Variants in FLT1 observed in about 807,000 individuals in gnomAD.
FLT1 encodes the protein vascular endothelial growth factor receptor 1.
FLT1 carries 49 observed loss-of-function variants against 156.3 expected under a neutral mutation model. That is an observed-to-expected ratio of 0.31 (90% CI 0.25 to 0.40). The LOEUF is 0.40. Among genes scored for constraint, FLT1 ranks in the 10% least tolerant of loss-of-function variants. FLT1 has a pLI of 1.00. For synonymous variants in FLT1, 594 were observed against 583.8 expected (o/e 1.02, Z -0.25); for missense variants, 1,322 against 1,637.2 (o/e 0.81, Z 3.32).
intron 1 of FLT1, among the ~76,000 whole-genome samples, chr13:28,483,907 A>C (rs899534853): frequency 3.9e-5 from 6 of 152,222 alleles, no homozygotes; most frequent in Admixed American, 1.3e-4. Context: ...TACTTTGAGT[A>C]AATGTTGGTG....
At chr13:28,447,463 A>G (rs1878687150) in intron 3 of FLT1, among the ~76,000 whole-genome samples, 1 of 152,098 alleles carries the variant, frequency 6.6e-6, no homozygotes, top group Admixed American at 6.6e-5. Flanking sequence ...CTGGGATTGC[A>G]GGCATGAGCC....
At chr13:28,463,895 A>G (rs1011102134) in intron 3 of FLT1, among the ~76,000 whole-genome samples, 2 of 152,222 alleles carry the variant, frequency 1.3e-5, no homozygotes, top group African/African-American at 4.8e-5. Flanking sequence ...TTGGACTTTA[A>G]TAAGGTGTGA....
At chr13:28,491,403 A>G (rs1245056521) in intron 1 of FLT1, among the ~76,000 whole-genome samples, 1 of 152,212 alleles carries the variant, frequency 6.6e-6, no homozygotes, top group East Asian at 1.9e-4. Flanking sequence ...CAAGAAATAA[A>G]TAGGGGTTTA....
intron 10 of FLT1, among the ~76,000 whole-genome samples, chr13:28,420,230 G>A (rs1876922015): frequency 6.6e-6 from 1 of 152,176 alleles, no homozygotes; most frequent in African/African-American, 2.4e-5. Flanking sequence ...ATTAGTAAGT[G>A]AACATTCACT....
chr13:28,358,069 C>A (rs1872969814), intron 14 of FLT1, among the ~76,000 whole-genome samples: 1 of 152,078 alleles, frequency 6.6e-6, no homozygotes. Flanking sequence ...ACTCAACGCC[C>A]TCTGTGTGCT....
intron 14 of FLT1, among the ~76,000 whole-genome samples, chr13:28,367,425 G>C (rs1024018070): frequency 1.3e-5 from 2 of 152,112 alleles, no homozygotes; most frequent in Admixed American, 1.3e-4. Flanking sequence ...GACCATGATG[G>C]CCTAATTTAT....
At chr13:28,387,939 C>A in intron 13 of FLT1, 3 of 1,061,572 alleles carry the variant, frequency 2.8e-6, no homozygotes, top group Non-Finnish European at 3.4e-6. Flanking sequence ...CCTCCCCTCC[C>A]CACAAAAATT....
At position 28,476,232 on chromosome 13, in the gene FLT1, A is replaced by C. The variant is rs144094676; in HGVS notation, c.65-8615T>G. Among the ~76,000 whole-genome samples, 57 of 152,230 alleles carry C rather than the reference A, an allele frequency of 3.7e-4. No homozygotes were observed. In the East Asian group the frequency reaches 0.011, roughly 29 times the overall value. On this transcript the variant is annotated intron_variant, in intron 1 of 29. Transcript: ENST00000282397. ...GGTGGGGAGGTTGATGTAGAACTAG[A>C]AGAGGTTTTTGGTGTGTGCTTTAAT... is the stretch of plus-strand genomic sequence containing the variant.
Position 28,395,373 on chromosome 13 carries a change from T to C in FLT1, c.1660+1587A>G, listed in dbSNP as rs1325912240. Among the ~76,000 whole-genome samples, 3 of 152,196 alleles carry C rather than the reference T, an allele frequency of 2.0e-5. No homozygotes were observed. In the East Asian group the frequency reaches 5.8e-4, roughly 29 times the overall value. On this transcript the variant is annotated intron_variant, in intron 12 of 29. Coordinates refer to ENST00000282397, the MANE Select transcript of FLT1 (RefSeq NM_002019.4). ...TGCTTCCTTCTCAGAGGCTTACAGC[T>C]GCACTGTCCAATATGGTAACTGTGA... is the stretch of plus-strand genomic sequence containing the variant.
At chr13:28,388,523 T>G in intron 13 of FLT1, 1 of 1,040,916 alleles carries the variant, frequency 9.6e-7, no homozygotes, top group Non-Finnish European at 1.2e-6. Flanking sequence ...AACAGAACAA[T>G]GCATATTAAA....
intron 4 of FLT1, among the ~76,000 whole-genome samples, chr13:28,437,358 C>T (rs1878086308): frequency 6.6e-6 from 1 of 152,178 alleles, no homozygotes; most frequent in Non-Finnish European, 1.5e-5. Flanking sequence ...GACTGAACAT[C>T]ATTCTCTGAA....
intron 2 of FLT1, 128 bp downstream of exon 2, chr13:28,467,393 G>A (rs373943372): frequency 1.4e-6 from 1 of 714,256 alleles, no homozygotes; most frequent in East Asian, 2.7e-5. Flanking sequence ...TGGGAAGCTG[G>A]ATGCCTATGG....
At chr13:28,476,076 C>A (rs1880527177) in intron 1 of FLT1, among the ~76,000 whole-genome samples, 2 of 152,050 alleles carry the variant, frequency 1.3e-5, no homozygotes, top group South Asian at 4.1e-4. Context: ...GGCCTTAAAT[C>A]AAGAAAGAAT....
chr13:28,308,550 G>A (rs1870849110), intron 28 of FLT1: 2 of 416,164 alleles, frequency 4.8e-6, no homozygotes, highest in African/African-American at 4.0e-5. Flanking sequence ...TGAAAGCAAA[G>A]CTGCATCACT....
intron 11 of FLT1, chr13:28,399,131 A>G: frequency 6.5e-7 from 1 of 1,538,826 alleles, no homozygotes; most frequent in Non-Finnish European, 8.8e-7. Context: ...GGAAGACAGG[A>G]GAGATCGTCA....
intron 23 of FLT1, among the ~76,000 whole-genome samples, chr13:28,320,484 T>C (rs1871404739): frequency 6.6e-6 from 1 of 152,004 alleles, no homozygotes; most frequent in Admixed American, 6.6e-5. Context: ...CAGGACAGCT[T>C]TGAATGCAGC....
intron 12 of FLT1, among the ~76,000 whole-genome samples, chr13:28,394,981 G>T (rs1446846891): frequency 6.6e-6 from 1 of 152,170 alleles, no homozygotes; most frequent in Non-Finnish European, 1.5e-5. Context: ...AGATGTGTGG[G>T]CTGGGAGACA....
intron 13 of FLT1, chr13:28,387,445 T>C: frequency 9.5e-7 from 1 of 1,057,906 alleles, no homozygotes; most frequent in Non-Finnish European, 1.1e-6. Context: ...AAGTAGGTAG[T>C]GGCTTTCCAA....
intron 1 of FLT1, among the ~76,000 whole-genome samples, chr13:28,475,747 A>T (rs950387166): frequency 6.6e-6 from 1 of 152,202 alleles, no homozygotes; most frequent in African/African-American, 2.4e-5. Flanking sequence ...TCATATCTCT[A>T]TCCAAGTATT....
Sources: gnomAD v4.1 joint callset for allele counts (sites outside exome capture counted in the v4.1 genomes callset) on GRCh38, gnomAD v4.1.1 for gene constraint, MANE v1.5 for transcripts, NCBI Gene and HGNC (gene_info 2026-07-23, HGNC 2026-07-21) for gene names.